NAP1L4: variants seen among roughly 807,000 people sequenced by gnomAD.
NAP1L4 encodes the protein nucleosome assembly protein 1 like 4.
NAP1L4 carries 15 observed loss-of-function variants against 58.2 expected under a neutral mutation model. The observed-to-expected ratio is 0.26, with a 90% CI of 0.17 to 0.40. The LOEUF is 0.40. NAP1L4 is among the 10% of genes least tolerant of loss of function. NAP1L4 has a pLI of 1.00. For synonymous variants in NAP1L4, 171 were observed against 155.6 expected (o/e 1.10, Z -0.74); for missense variants, 384 against 451.1 (o/e 0.85, Z 1.35).
chr11:2,988,934 T>C (rs1848803017), intron 1 of NAP1L4, among the ~76,000 whole-genome samples: 1 of 152,216 alleles, frequency 6.6e-6, no homozygotes, highest in Non-Finnish European at 1.5e-5. Flanking sequence ...TGTTCTCTCT[T>C]AAGAGGGCAG....
At position 2,968,785 on chromosome 11, in the gene NAP1L4, G is replaced by A. The variant is rs190347901; in HGVS notation, c.534+1018C>T. On this transcript the variant is annotated intron_variant, in intron 7 of 15. Coordinates refer to ENST00000380542, the MANE Select transcript of NAP1L4 (RefSeq NM_005969.4). ...ATGCAGACGTGCTGTTTCTGGGGAC[G>A]CTGGAGCAATAAAAACTGACGGCAA... Among the ~76,000 whole-genome samples the A allele has an allele frequency of 4.1e-3, 626 of 152,298 alleles. 16 individuals are homozygous for A. Among genetic ancestry groups the A allele is most frequent in the Non-Finnish European group, 1.2e-3 (80 of 68,034 alleles).
chr11:2,949,412 C>T lies in NAP1L4; in HGVS notation c.1123-148G>A, dbSNP rs1406935066. 1 of 686,350 alleles carries T rather than the reference C, an allele frequency of 1.5e-6. No individual in the cohort carries two copies. The highest frequency in any genetic ancestry group is 2.7e-6 in the Non-Finnish European group (1 of 376,974). 42.5% of individuals were successfully genotyped at this position (686,350 alleles called of 1,614,324 possible). ...GGGGTGAACAACTTCAACACTAGAT[C>T]ATACTTTCAAAATGGGCAGAAGCAT... is the stretch of plus-strand genomic sequence containing the variant. On this transcript the variant is annotated intron_variant, in intron 14 of 15. Coordinates refer to ENST00000380542, the MANE Select transcript of NAP1L4 (RefSeq NM_005969.4). The surrounding 1 kb of genome is among the most constrained non-coding windows in gnomAD (Gnocchi z 4.0).
chr11:2,980,451 G>T lies in NAP1L4; in HGVS notation c.-17-1214C>A, dbSNP rs188663628. On this transcript the variant is annotated intron_variant, in intron 1 of 15. Transcript: ENST00000380542. ...TCCTCCCACCTCAGCCTACCAAAGT[G>T]TTGGGATTACAGGTGTGAGTCAACA... 6.6e-5 allele frequency among the ~76,000 whole-genome samples: 10 copies of T among 152,306 alleles called. No homozygotes were observed. In the East Asian group the frequency reaches 1.9e-3, roughly 29 times the overall value.
chr11:2,956,363 A>G (rs1590225025), intron 10 of NAP1L4, among the ~76,000 whole-genome samples: 1 of 152,060 alleles, frequency 6.6e-6, no homozygotes, highest in Non-Finnish European at 1.5e-5. Context: ...TTCTAACCAC[A>G]CTCAATGAAG....
chr11:2,985,597 T>C (rs1172613806), intron 1 of NAP1L4, among the ~76,000 whole-genome samples: 2 of 152,248 alleles, frequency 1.3e-5, no homozygotes, highest in South Asian at 2.1e-4. Flanking sequence ...AGAATCAGTA[T>C]ACCACCTAAT....
At position 2,964,757 on chromosome 11, in the gene NAP1L4, CAA is replaced by C; in HGVS notation, c.535-8_535-7del. 1 of 1,607,344 alleles carries C rather than the reference CAA, an allele frequency of 6.2e-7. No homozygotes were observed. The highest frequency in any genetic ancestry group is 8.5e-7 in the Non-Finnish European group (1 of 1,175,516). On this transcript the variant is annotated splice_region_variant and splice_polypyrimidine_tract_variant and intron_variant, in intron 7 of 15. Transcript: ENST00000380542. ...AAGATTGGTTCATCATATTCCTAAT[CAA>C]AAAGAGAAAAAAAATTCCAACAGGC...
At chr11:2,965,124 C>T (rs1847184365) in intron 7 of NAP1L4, among the ~76,000 whole-genome samples, 1 of 152,234 alleles carries the variant, frequency 6.6e-6, no homozygotes, top group African/African-American at 2.4e-5. Flanking sequence ...GGTCCTCAGC[C>T]TCTCTGAGGA....
At position 2,955,481 on chromosome 11, in the gene NAP1L4, C is replaced by T. The variant is rs11602817; in HGVS notation, c.915+263G>A. 0.18 allele frequency among the ~76,000 whole-genome samples: 27,101 copies of T among 151,914 alleles called. 2,991 individuals are homozygous for T. Among genetic ancestry groups the T allele is most frequent in the South Asian group, 0.34 (1,625 of 4,800 alleles). On this transcript the variant is annotated intron_variant, in intron 11 of 15. Transcript: ENST00000380542. This position sits in a 1 kb window ranked among gnomAD's most constrained non-coding sequence, Gnocchi z 4.2. ...TTGGCCTCCCACAGTGCTGGTATTA[C>T]GGGCGTGAACCACCATGTTCGGCTG...
chr11:2,975,642 CCA>C (rs1197674157), intron 4 of NAP1L4, among the ~76,000 whole-genome samples: 2 of 151,960 alleles, frequency 1.3e-5, no homozygotes, highest in African/African-American at 4.8e-5. Context: ...GGCACTATGC[CCA>C]GTTTTTTTTT....
chr11:2,964,658 A>G (rs370545591), intron 8 of NAP1L4, 22 bp downstream of exon 8: 36 of 1,603,020 alleles, frequency 2.2e-5, no homozygotes, highest in Non-Finnish European at 2.9e-5. Flanking sequence ...GATGCCAACC[A>G]GAAGGTCAAG....
intron 8 of NAP1L4, chr11:2,963,738 C>T (rs764053518): frequency 1.9e-6 from 1 of 519,046 alleles, no homozygotes; most frequent in African/African-American, 1.9e-5. Context: ...TCACCCACAC[C>T]CAAGATCCCT....
At chr11:2,980,483 G>C (rs1349845437) in intron 1 of NAP1L4, among the ~76,000 whole-genome samples, 3 of 152,178 alleles carry the variant, frequency 2.0e-5, no homozygotes, top group African/African-American at 7.2e-5. Flanking sequence ...AACACGCCTG[G>C]CCTATACAAT....
rs758862613 is a variant in NAP1L4, at chr11:2,949,995, C to T, written c.1123-731G>A. Reference sequence around the variant, plus strand: ...AGCGCCCACAAGGCGGAAACACAGCCCAATAAACACACGTGGCCCTTGGGT... The same window carrying T: ...AGCGCCCACAAGGCGGAAACACAGCTCAATAAACACACGTGGCCCTTGGGT... On this transcript the variant is annotated intron_variant, in intron 14 of 15. Coordinates refer to ENST00000380542, the MANE Select transcript of NAP1L4 (RefSeq NM_005969.4). The surrounding 1 kb of genome is among the most constrained non-coding windows in gnomAD (Gnocchi z 4.0). 6.6e-6 allele frequency among the ~76,000 whole-genome samples: 1 copy of T among 152,224 alleles called. No individual in the cohort carries two copies. Among genetic ancestry groups the T allele is most frequent in the Non-Finnish European group, 1.5e-5 (1 of 68,044 alleles).
chr11:2,976,292 T>C (rs1847954922), intron 3 of NAP1L4, among the ~76,000 whole-genome samples, 169 bp from the exon 4 acceptor site: 1 of 152,228 alleles, frequency 6.6e-6, no homozygotes. Flanking sequence ...AATTAAAATT[T>C]ATTTTAAGAG....
chr11:2,975,279 T>G (rs1847884081), intron 4 of NAP1L4, among the ~76,000 whole-genome samples: 1 of 152,146 alleles, frequency 6.6e-6, no homozygotes, highest in Admixed American at 6.5e-5. Context: ...TACATGCCAC[T>G]GCACTCCAGC....
intron 1 of NAP1L4, 85 bp from the exon 2 acceptor site, chr11:2,979,322 G>C: frequency 8.6e-7 from 1 of 1,156,698 alleles, no homozygotes; most frequent in Non-Finnish European, 1.3e-6. Flanking sequence ...GTTATCTGTG[G>C]GATGGAGTCC....
intron 2 of NAP1L4, among the ~76,000 whole-genome samples, chr11:2,978,706 T>C (rs1222366444): frequency 6.6e-6 from 1 of 152,228 alleles, no homozygotes; most frequent in Non-Finnish European, 1.5e-5. Context: ...CAGCTGCTCA[T>C]GTGATCAGAG....
rs764626774 is a variant in NAP1L4 at position 2,949,400 on chromosome 11, T to TC, written c.1123-137dup. The TC allele has an allele frequency of 3.2e-5, 23 of 718,742 alleles. No homozygotes were observed. The highest frequency in any genetic ancestry group is 5.6e-5 in the Non-Finnish European group (22 of 395,392). The allele number at this position is 718,742 out of a possible 1,614,324, so 44.5% of individuals were successfully genotyped here. ...GATACTGAACTCGGGGTGAACAACT[T>TC]CAACACTAGATCATACTTTCAAAAT... On this transcript the variant is annotated intron_variant, in intron 14 of 15. Coordinates refer to ENST00000380542, the MANE Select transcript of NAP1L4 (RefSeq NM_005969.4). The surrounding 1 kb of genome is among the most constrained non-coding windows in gnomAD (Gnocchi z 4.0).
At chr11:2,958,736 A>C in intron 9 of NAP1L4, 192 bp from the exon 10 acceptor site, 2 of 591,124 alleles carry the variant, frequency 3.4e-6, no homozygotes, top group East Asian at 2.8e-5. Context: ...GTCCTCTTTC[A>C]ACTTGGGTGT....
Sources: gnomAD v4.1 joint callset for allele counts (sites outside exome capture counted in the v4.1 genomes callset) on GRCh38, gnomAD v4.1.1 for gene constraint, Gnocchi (gnomAD v3.1) non-coding constraint, MANE v1.5 for transcripts, NCBI Gene and HGNC (gene_info 2026-07-23, HGNC 2026-07-21) for gene names.